BANK1: variants seen among roughly 807,000 people sequenced by gnomAD.
The protein encoded by BANK1 is B-cell scaffold protein with ankyrin repeats.
Under a neutral mutation model 94.5 loss-of-function variants are expected in BANK1, and 95 were observed. The observed-to-expected ratio is 1.00, with a 90% CI of 0.85 to 1.19. The LOEUF (loss-of-function observed/expected upper bound fraction) is 1.19, where lower values mean the gene tolerates loss of function less well. BANK1 is among the 50% of genes most tolerant of loss of function. The pLI, the probability that BANK1 is intolerant of heterozygous loss-of-function variation, is 0.00. For synonymous variants in BANK1, 334 were observed against 308.4 expected (o/e 1.08, Z -0.87); for missense variants, 987 against 932.2 (o/e 1.06, Z -0.77).
rs1405421413 is a variant in BANK1, at chr4:101,986,297, A to G, written c.1207-35217A>G. On this transcript the variant is annotated intron_variant, in intron 7 of 16. Coordinates refer to ENST00000322953, the MANE Select transcript of BANK1 (RefSeq NM_017935.5). ...AGAAACATACAGTTTTAATGCATGG[A>G]ATAGACCTTCTTAATTACATTCCTG... 2.6e-5 allele frequency among the ~76,000 whole-genome samples: 4 copies of G among 152,024 alleles called. No individual in the cohort carries two copies. In the East Asian group the frequency reaches 7.7e-4, roughly 29 times the overall value.
chr4:102,064,464 C>T (rs963910643), intron 13 of BANK1, among the ~76,000 whole-genome samples: 1 of 152,002 alleles, frequency 6.6e-6, no homozygotes, highest in Non-Finnish European at 1.5e-5. Flanking sequence ...TTGTTTCTTA[C>T]AATAACTCTA....
chr4:101,920,252 A>G (rs1722958846), intron 7 of BANK1, among the ~76,000 whole-genome samples: 1 of 151,980 alleles, frequency 6.6e-6, no homozygotes, highest in Non-Finnish European at 1.5e-5. Context: ...AGATAGCATT[A>G]GGAGATATAT....
At chr4:102,072,549 A>T in intron 15 of BANK1, 149 bp downstream of exon 15, 1 of 546,360 alleles carries the variant, frequency 1.8e-6, no homozygotes, top group Non-Finnish European at 3.2e-6. Context: ...TGCAAAATCT[A>T]TGAGCATTTA....
intron 7 of BANK1, among the ~76,000 whole-genome samples, chr4:101,924,866 C>A (rs1010198859): frequency 7.3e-5 from 11 of 151,684 alleles, no homozygotes; most frequent in African/African-American, 2.7e-4. Flanking sequence ...CTCATAAAAA[C>A]AGGAGACACA....
chr4:101,951,915 C>T lies in BANK1; in HGVS notation c.1206+33726C>T, dbSNP rs1207609993. Among the ~76,000 whole-genome samples, 4 of 151,752 alleles carry T rather than the reference C, an allele frequency of 2.6e-5. No individual in the cohort carries two copies. The East Asian group carries it at 5.8e-4, about 22-fold the overall frequency. On this transcript the variant is annotated intron_variant, in intron 7 of 16. Coordinates refer to ENST00000322953, the MANE Select transcript of BANK1 (RefSeq NM_017935.5). Reference sequence around the variant, plus strand: ...TGCTCATAAGTAGAAAAATTTGAAACTTGTTTAATCATCCTTGAGCTCAGT... The same window carrying T: ...TGCTCATAAGTAGAAAAATTTGAAATTTGTTTAATCATCCTTGAGCTCAGT...
At chr4:101,866,290 A>T (rs1238776556) in intron 4 of BANK1, among the ~76,000 whole-genome samples, 1 of 152,144 alleles carries the variant, frequency 6.6e-6, no homozygotes, top group African/African-American at 2.4e-5. Context: ...GTCAATGAAA[A>T]CTTCCCAAAC....
intron 7 of BANK1, among the ~76,000 whole-genome samples, chr4:102,019,016 C>T (rs555273726): frequency 3.3e-5 from 5 of 151,898 alleles, no homozygotes; most frequent in Non-Finnish European, 7.4e-5. Flanking sequence ...CAGAGTTTCA[C>T]CATGTTGGCC....
intron 9 of BANK1, among the ~76,000 whole-genome samples, chr4:102,029,244 T>C (rs1038452079): frequency 4.6e-5 from 7 of 152,146 alleles, no homozygotes; most frequent in Admixed American, 3.9e-4. Flanking sequence ...AAAAGCTGCA[T>C]TTCTGAAGGT....
chr4:101,833,568 T>C (rs1343319406), intron 2 of BANK1, among the ~76,000 whole-genome samples: 1 of 152,160 alleles, frequency 6.6e-6, no homozygotes, highest in Non-Finnish European at 1.5e-5. Context: ...CTTAGCCTTA[T>C]AGGAAGTAAG....
At chr4:102,010,122 A>C (rs189908943) in intron 7 of BANK1, among the ~76,000 whole-genome samples, 4 of 150,986 alleles carry the variant, frequency 2.6e-5, no homozygotes, top group Admixed American at 1.3e-4. Context: ...AAAATTAGCC[A>C]GGTGTGGTGG....
At chr4:101,885,937 C>T (rs1728838435) in intron 5 of BANK1, among the ~76,000 whole-genome samples, 1 of 152,130 alleles carries the variant, frequency 6.6e-6, no homozygotes, top group African/African-American at 2.4e-5. Flanking sequence ...GCAACTATAA[C>T]ACAATAGGAA....
intron 7 of BANK1, among the ~76,000 whole-genome samples, chr4:101,970,065 T>C (rs768402334): frequency 5.3e-5 from 8 of 152,238 alleles, no homozygotes; most frequent in Non-Finnish European, 1.0e-4. Flanking sequence ...TACCAGCTGC[T>C]TGATCTTGGG....
intron 7 of BANK1, among the ~76,000 whole-genome samples, chr4:102,018,632 T>G (rs1028693498): frequency 2.0e-5 from 3 of 152,208 alleles, no homozygotes; most frequent in African/African-American, 7.2e-5. Context: ...ACAAGGACTA[T>G]CTGTGGGTTG....
At chr4:101,966,839 C>T (rs1724781396) in intron 7 of BANK1, among the ~76,000 whole-genome samples, 1 of 151,996 alleles carries the variant, frequency 6.6e-6, no homozygotes, top group Non-Finnish European at 1.5e-5. Flanking sequence ...TTGGTAACAC[C>T]TGGATTTCAG....
At chr4:101,905,080 A>G (rs1722404247) in intron 6 of BANK1, among the ~76,000 whole-genome samples, 2 of 152,238 alleles carry the variant, frequency 1.3e-5, no homozygotes, top group South Asian at 2.1e-4. Flanking sequence ...ACAATCAGGA[A>G]CTGTGCTATG....
chr4:101,825,609 A>G (rs894350211), intron 1 of BANK1, among the ~76,000 whole-genome samples: 1 of 152,062 alleles, frequency 6.6e-6, no homozygotes, highest in African/African-American at 2.4e-5. Flanking sequence ...AATAAGACTA[A>G]CAGGACCAAC....
At chr4:101,968,800 A>G (rs1176083491) in intron 7 of BANK1, among the ~76,000 whole-genome samples, 1 of 152,126 alleles carries the variant, frequency 6.6e-6, no homozygotes, top group African/African-American at 2.4e-5. Flanking sequence ...AGAGAGGGAA[A>G]TCCAAACAAA....
intron 7 of BANK1, among the ~76,000 whole-genome samples, chr4:102,009,911 C>G (rs1192236219): frequency 1.3e-5 from 2 of 152,062 alleles, no homozygotes; most frequent in Admixed American, 1.3e-4. Context: ...TCTCATTTGC[C>G]TAACCTACTC....
chr4:102,008,410 C>T (rs186743584), intron 7 of BANK1, among the ~76,000 whole-genome samples: 7 of 152,302 alleles, frequency 4.6e-5, no homozygotes, highest in African/African-American at 1.4e-4. Context: ...CTGCATCTCT[C>T]ATTTAACAGC....
Sources: allele counts gnomAD v4.1 joint callset (sites outside exome capture counted in the v4.1 genomes callset), GRCh38; gene constraint gnomAD v4.1.1; transcripts MANE v1.5; gene names NCBI Gene and HGNC (gene_info 2026-07-23, HGNC 2026-07-21).